The following KLHL5 variants were observed in gnomAD, a reference collection of about 807,000 sequenced individuals.
The protein encoded by KLHL5 is kelch-like protein 5.
In KLHL5, 48 loss-of-function variants were observed where a neutral mutation model predicts 77.7. The observed-to-expected ratio is 0.62, with a 90% CI of 0.49 to 0.79. The LOEUF (loss-of-function observed/expected upper bound fraction) is 0.79, where lower values mean the gene tolerates loss of function less well. Among genes scored for constraint, KLHL5 ranks in the 30% least tolerant of loss-of-function variants. KLHL5 has a pLI of 0.00. For synonymous variants in KLHL5, 260 were observed against 297.0 expected (o/e 0.88, Z 1.28); for missense variants, 723 against 859.7 (o/e 0.84, Z 1.99).
chr4:39,103,372 T>C lies in KLHL5; in HGVS notation c.1386T>C (p.Gly462=), dbSNP rs561588040. 1 of 1,614,000 alleles carries C rather than the reference T, an allele frequency of 6.2e-7. No homozygotes were observed. Among genetic ancestry groups the C allele is most frequent in the African/African-American group, 1.3e-5 (1 of 74,916 alleles). Residue 462 remains glycine (G), a synonymous_variant, in exon 7 of 11, where the codon GGT becomes GGC. Transcript: ENST00000504108. ...TGAATGGGAGGAGGCTACAGTTCGG[T>C]GTTGCAGTGCTAGATGACAAACTGT... ...ANMNGRRLQF[G]VAVLDDKLYV...
rs1722568807 is a variant in KLHL5, at chr4:39,113,033, G to T, written c.1702G>T (p.Gly568Cys). ...TTCTTTTTGCAGACTTTATGCAGTT[G>T]GTGGTCGTGATGGAAGTTCTTGTCT... The part of the protein sequence containing the change: ...AVLSGKLYAV[G>C]GRDGSSCLKS... The change falls in exon 9 of 11, where the codon GGT becomes TGT. Residue 568 changes from glycine (G) to cysteine (C), a missense_variant. Gly to Cys is a radical substitution (Grantham distance 159). Around this residue, in one of 3 missense-constraint regions of KLHL5, gnomAD observed 214 missense variants for 237.4 expected, o/e 0.90. Transcript: ENST00000504108. 6.2e-7 allele frequency: 1 copy of T among 1,612,948 alleles called. No individual in the cohort carries two copies. The highest frequency in any genetic ancestry group is 1.3e-5 in the African/African-American group (1 of 74,844).
intron 1 of KLHL5, among the ~76,000 whole-genome samples, chr4:39,054,117 TTGTC>T (rs1184211472): frequency 2.0e-5 from 3 of 152,222 alleles, no homozygotes; most frequent in African/African-American, 4.8e-5. Context: ...GGCAAAGAAT[TTGTC>T]TGTTCTGCTA....
rs1577703657 is a variant in KLHL5 at position 39,093,305 on chromosome 4, A to C, written c.1114-3387A>C. 45 of 438,068 alleles carry C rather than the reference A, an allele frequency of 1.0e-4. 1 individual carries two copies. The highest frequency in any genetic ancestry group is 7.2e-4 in the South Asian group (44 of 60,902). 27.1% of individuals were successfully genotyped at this position (438,068 alleles called of 1,614,324 possible). A position where few individuals can be genotyped will look rare whatever the true frequency, so the allele number is the denominator to read the frequency against. ...GTATATGAAATGTCCAGCAAAAGCA[A>C]ATCTGTAGAGACAGATTAGTGCTTG... On this transcript the variant is annotated intron_variant, in intron 5 of 10. Transcript: ENST00000504108.
At chr4:39,056,094 G>A (rs9884222) in intron 1 of KLHL5, among the ~76,000 whole-genome samples, 1 of 152,174 alleles carries the variant, frequency 6.6e-6, no homozygotes, top group Non-Finnish European at 1.5e-5. Context: ...AGAGCCAGAT[G>A]TCTTGGTATA....
At chr4:39,111,365 A>G (rs931280184) in intron 8 of KLHL5, among the ~76,000 whole-genome samples, 4 of 152,238 alleles carry the variant, frequency 2.6e-5, no homozygotes, top group Admixed American at 2.6e-4. Flanking sequence ...TGGTAGAACC[A>G]GAATGCAAAC....
At chr4:39,052,197 T>G (rs1716703851) in intron 1 of KLHL5, among the ~76,000 whole-genome samples, 1 of 152,162 alleles carries the variant, frequency 6.6e-6, no homozygotes, top group African/African-American at 2.4e-5. Flanking sequence ...CTTGGCTCAC[T>G]GCAACCTCCG....
chr4:39,078,511 A>G (rs945816579), intron 2 of KLHL5, among the ~76,000 whole-genome samples: 2 of 152,164 alleles, frequency 1.3e-5, no homozygotes. Context: ...CCTGGCCAAC[A>G]TGGCAAAGCC....
chr4:39,062,237 A>G lies in KLHL5; in HGVS notation c.-416A>G. 1.6e-6 allele frequency: 2 copies of G among 1,244,668 alleles called. No individual in the cohort carries two copies. The highest frequency in any genetic ancestry group is 2.0e-6 in the Non-Finnish European group (2 of 990,184). The allele number at this position is 1,244,668 out of a possible 1,614,324, so 77.1% of individuals were successfully genotyped here. On this transcript the variant is annotated 5_prime_UTR_variant, in exon 1 of 11. Transcript: ENST00000504108. ...TAAGCAGCAGAGACTGAGATACTGC[A>G]ACGGGGATAGTGTTTTCTGTCTCTG...
intron 1 of KLHL5, among the ~76,000 whole-genome samples, chr4:39,047,740 A>G (rs1309256970): frequency 6.6e-6 from 1 of 152,246 alleles, no homozygotes; most frequent in Non-Finnish European, 1.5e-5. Flanking sequence ...TCCTTGAGGA[A>G]TGACTTTATT....
At chr4:39,075,308 G>A (rs1414211672) in intron 1 of KLHL5, among the ~76,000 whole-genome samples, 1 of 147,924 alleles carries the variant, frequency 6.8e-6, no homozygotes, top group African/African-American at 2.5e-5. Context: ...TCCAGCCTGG[G>A]CAACAAGAGC....
At chr4:39,137,157 A>C in the KLHL5 span, among the ~76,000 whole-genome samples, 3 of 149,428 alleles carry the variant, frequency 2.0e-5, no homozygotes, top group Non-Finnish European at 4.5e-5. Flanking sequence ...GAGATAATAG[A>C]TTAATAAATA....
intron 10 of KLHL5, chr4:39,115,792 CTGAG>C: frequency 1.9e-6 from 2 of 1,039,544 alleles, no homozygotes; most frequent in African/African-American, 1.7e-5. Flanking sequence ...CTAAATTACA[CTGAG>C]TAAGAAACCT....
intron 1 of KLHL5, among the ~76,000 whole-genome samples, chr4:39,056,962 TAG>T (rs1489188366): frequency 1.3e-5 from 2 of 152,194 alleles, no homozygotes; most frequent in Non-Finnish European, 2.9e-5. Flanking sequence ...TCTCACATGG[TAG>T]AGTTTTCTAA....
rs1016833671 is a variant in KLHL5 at position 39,122,364 on chromosome 4, A to T, written c.*1298A>T. ...TATAACAACCTTATGAGGTAGTTCTATTCCCTTTTTATAGCTAAGGAAATT... is the reference window on the plus strand; with the variant it reads ...TATAACAACCTTATGAGGTAGTTCTTTTCCCTTTTTATAGCTAAGGAAATT... On this transcript the variant is annotated 3_prime_UTR_variant, in exon 11 of 11. Transcript: ENST00000504108. Among the ~76,000 whole-genome samples, 5 of 152,226 alleles carry T rather than the reference A, an allele frequency of 3.3e-5. No homozygotes were observed. The highest frequency in any genetic ancestry group is 6.5e-5 in the Admixed American group (1 of 15,274).
chr4:39,046,918 G>T (rs1274622468), intron 1 of KLHL5, among the ~76,000 whole-genome samples: 1 of 152,200 alleles, frequency 6.6e-6, no homozygotes, highest in Non-Finnish European at 1.5e-5. Flanking sequence ...TCTAAGGAAT[G>T]AGAAAATATT....
rs899901809 is a variant in KLHL5 at position 39,124,508 on chromosome 4, C to T, written c.*3442C>T. On this transcript the variant is annotated 3_prime_UTR_variant, in exon 11 of 11. Coordinates refer to ENST00000504108, the MANE Select transcript of KLHL5 (RefSeq NM_015990.5). ...GAATGGAAAGTCCAGAAACAAATTACGCCAATACACTATGGTCAATTGATT... is the reference window on the plus strand; with the variant it reads ...GAATGGAAAGTCCAGAAACAAATTATGCCAATACACTATGGTCAATTGATT... Among the ~76,000 whole-genome samples the T allele has an allele frequency of 3.3e-5, 5 of 152,034 alleles. No individual in the cohort carries two copies. Among genetic ancestry groups the T allele is most frequent in the African/African-American group, 7.2e-5 (3 of 41,408 alleles).
chr4:39,113,159 C>T lies in KLHL5; in HGVS notation c.1828C>T (p.Leu610=). 2 of 1,614,146 alleles carry T rather than the reference C, an allele frequency of 1.2e-6. No homozygotes were observed. The highest frequency in any genetic ancestry group is 2.7e-5 in the African/African-American group (2 of 75,048). The change falls in exon 9 of 11, where the codon CTG becomes TTG. Residue 610 remains leucine (L), a synonymous_variant. Coordinates refer to ENST00000504108, the MANE Select transcript of KLHL5 (RefSeq NM_015990.5). ...CGTAGGAGTGACGACCTGGAATGGA[C>T]TGCTGTATGCTATAGGGGGGCACGA... The part of the protein sequence containing the change: ...GGVGVTTWNG[L]LYAIGGHDAP...
Position 39,062,396 on chromosome 4 carries a change from T to C in KLHL5, c.-257T>C, listed in dbSNP as rs1175037532. 1 of 1,461,490 alleles carries C rather than the reference T, an allele frequency of 6.8e-7. No individual in the cohort carries two copies. The highest frequency in any genetic ancestry group is 9.0e-7 in the Non-Finnish European group (1 of 1,114,424). The allele number at this position is 1,461,490 out of a possible 1,614,324, so 90.5% of individuals were successfully genotyped here. ...GGAAAGTGGTCTAGCTGCTTCAGGA[T>C]AGGTGGATGAGAGTTTGCTCTGATT... On this transcript the variant is annotated 5_prime_UTR_variant, in exon 1 of 11. The change abolishes the stop of an existing upstream ORF in the 5' untranslated region. Coordinates refer to ENST00000504108, the MANE Select transcript of KLHL5 (RefSeq NM_015990.5).
At chr4:39,093,684 T>A (rs1208540298) in intron 5 of KLHL5, among the ~76,000 whole-genome samples, 1 of 152,122 alleles carries the variant, frequency 6.6e-6, no homozygotes, top group Non-Finnish European at 1.5e-5. Context: ...GGTGGGAGGA[T>A]CACTTGAGGT....
Sources: gnomAD v4.1 joint callset for allele counts (sites outside exome capture counted in the v4.1 genomes callset) on GRCh38, gnomAD v4.1.1 for gene constraint, gnomAD v4.1.1 regional missense constraint, MANE v1.5 for transcripts, NCBI Gene and HGNC (gene_info 2026-07-23, HGNC 2026-07-21) for gene names.